The following CASP5 variants were observed in gnomAD, a reference collection of about 807,000 sequenced individuals.
CASP5 encodes caspase-5.
CASP5 carries 42 observed loss-of-function variants against 45.2 expected under a neutral mutation model. The observed-to-expected ratio is 0.93, with a 90% CI of 0.73 to 1.20. The LOEUF is 1.20. Ranked by LOEUF, CASP5 falls within the 50% of genes most tolerant of loss-of-function variation. The pLI is 0.00. For synonymous variants in CASP5, 209 were observed against 186.2 expected (o/e 1.12, Z -1.00); for missense variants, 512 against 532.2 (o/e 0.96, Z 0.37).
intron 1 of CASP5, among the ~76,000 whole-genome samples, chr11:105,012,612 T>C (rs924444923): frequency 6.6e-6 from 1 of 151,614 alleles, no homozygotes; most frequent in African/African-American, 2.4e-5. Flanking sequence ...AGGACCAAAA[T>C]AGACATTTTT....
chr11:105,008,375 G>A (rs781750458), intron 2 of CASP5, among the ~76,000 whole-genome samples: 1 of 152,028 alleles, frequency 6.6e-6, no homozygotes, highest in Non-Finnish European at 1.5e-5. Flanking sequence ...TTATTGGCAT[G>A]TTGATGCCAG....
chr11:105,005,350 ATATATATGTGTGTG>A (rs1425837954), intron 3 of CASP5, among the ~76,000 whole-genome samples: 4 of 120,526 alleles, frequency 3.3e-5, no homozygotes, highest in African/African-American at 1.7e-4. Context: ...TAGTGTGTAT[ATATATATGTGTGTG>A]TGTGTGTGTG....
intron 1 of CASP5, among the ~76,000 whole-genome samples, chr11:105,022,071 A>G (rs1481566473): frequency 6.6e-6 from 1 of 150,380 alleles, no homozygotes; most frequent in Non-Finnish European, 1.5e-5. Flanking sequence ...CAAAAAACCA[A>G]ACACCGCATA....
At position 104,998,989 on chromosome 11, in the gene CASP5, G is replaced by A. The variant is rs1861599686; in HGVS notation, c.992C>T (p.Ser331Phe). 6.2e-7 allele frequency: 1 copy of A among 1,613,428 alleles called. No individual in the cohort carries two copies. Among genetic ancestry groups the A allele is most frequent in the Non-Finnish European group, 8.5e-7 (1 of 1,179,650 alleles). The change falls in exon 7 of 10, where the codon TCC (serine) becomes TTC (phenylalanine). Residue 331 changes from serine to phenylalanine, a missense_variant. Transcript: ENST00000260315. Reference sequence around the variant, plus strand: ...TGACTGTGAAGAGATGAGTGCCAAGGATGCTGGAGAGTCTCTGACCCAGAG... The same window carrying A: ...TGACTGTGAAGAGATGAGTGCCAAGAATGCTGGAGAGTCTCTGACCCAGAG... ...GELWVRDSPASLALISSQSSE... is the reference protein window; with the variant it reads ...GELWVRDSPAFLALISSQSSE...
chr11:105,019,969 G>A (rs1237003797), intron 1 of CASP5, among the ~76,000 whole-genome samples: 2 of 145,294 alleles, frequency 1.4e-5, no homozygotes, highest in Non-Finnish European at 3.0e-5. Context: ...TGATCAAGGG[G>A]GCTTCATCCC....
chr11:104,997,310 T>C, intron 8 of CASP5, 73 bp downstream of exon 8: 1 of 1,088,184 alleles, frequency 9.2e-7, no homozygotes, highest in Non-Finnish European at 1.4e-6. Context: ...GTCATTTTTA[T>C]TCGATTAGTG....
At chr11:104,995,445 A>G (rs1231279224) in intron 9 of CASP5, among the ~76,000 whole-genome samples, 1 of 152,168 alleles carries the variant, frequency 6.6e-6, no homozygotes, top group African/African-American at 2.4e-5. Flanking sequence ...AGATAAATGA[A>G]CATAATTAAT....
intron 1 of CASP5, among the ~76,000 whole-genome samples, chr11:105,018,273 A>T (rs1458110034): frequency 2.6e-5 from 4 of 151,358 alleles, no homozygotes; most frequent in African/African-American, 9.7e-5. Context: ...ACCAGCTAAC[A>T]TCATAATGAC....
At chr11:105,009,245 T>A (rs190966493) in intron 1 of CASP5, among the ~76,000 whole-genome samples, 20 of 152,086 alleles carry the variant, frequency 1.3e-4, no homozygotes, top group Admixed American at 1.0e-3. Context: ...GGCCTAATGC[T>A]AAATTCCTGG....
chr11:105,003,398 A>G lies in CASP5; in HGVS notation c.434-15T>C. 1 of 1,444,432 alleles carries G rather than the reference A, an allele frequency of 6.9e-7. No individual in the cohort carries two copies. Among genetic ancestry groups the G allele is most frequent in the Non-Finnish European group, 9.6e-7 (1 of 1,046,026 alleles). The allele number at this position is 1,444,432 out of a possible 1,614,324, so 89.5% of individuals were successfully genotyped here. A position where few individuals can be genotyped will look rare whatever the true frequency, so the allele number is the denominator to read the frequency against. On this transcript the variant is annotated splice_polypyrimidine_tract_variant and intron_variant, in intron 3 of 9. Coordinates refer to ENST00000260315, the MANE Select transcript of CASP5 (RefSeq NM_004347.5). ...TTGCAGAAGAGCTGTGGGATATCAC[A>G]AAATATAAATTATGGTTTCTGCCTC... is the stretch of plus-strand genomic sequence containing the variant.
At position 105,010,268 on chromosome 11, in the gene CASP5, T is replaced by C. The variant is rs181601934; in HGVS notation, c.8-1288A>G. Reference sequence around the variant, plus strand: ...GACAAAAAGTTACATTTAATAAATGTAACATCTCCTATGTATTTTTTGTGA... The same window carrying C: ...GACAAAAAGTTACATTTAATAAATGCAACATCTCCTATGTATTTTTTGTGA... On this transcript the variant is annotated intron_variant, in intron 1 of 9. Coordinates refer to ENST00000260315, the MANE Select transcript of CASP5 (RefSeq NM_004347.5). Among the ~76,000 whole-genome samples, 880 of 151,140 alleles carry C rather than the reference T, an allele frequency of 5.8e-3. 8 individuals carry two copies. The highest frequency in any genetic ancestry group is 0.02 in the African/African-American group (826 of 41,400).
chr11:105,008,754 T>C (rs1591165853), intron 2 of CASP5, 53 bp downstream of exon 2: 2 of 1,315,802 alleles, frequency 1.5e-6, no homozygotes, highest in Non-Finnish European at 2.2e-6. Flanking sequence ...GGACTTATAA[T>C]TGAACAGATT....
In CASP5 at chr11:105,007,319, T is replaced by G; in HGVS notation, c.197A>C (p.Lys66Thr). 1.3e-6 allele frequency: 2 copies of G among 1,596,840 alleles called. No homozygotes were observed. The highest frequency in any genetic ancestry group is 1.1e-5 in the South Asian group (1 of 87,792). Residue 66 changes from lysine (K) to threonine (T), a missense_variant, in exon 3 of 10, where the codon AAA becomes ACA. By Grantham distance (78) the Lys-to-Thr change is moderately conservative. Coordinates refer to ENST00000260315, the MANE Select transcript of CASP5 (RefSeq NM_004347.5). ...STSVKKDNHK[K>T]KTVKMLEYLG... ...GTATTCCAACATCTTAACTGTTTTT[T>G]TTTTGTGGTTGTCTTCTGTCAGAAA...
At chr11:104,999,316 A>G (rs1046168517) in intron 6 of CASP5, among the ~76,000 whole-genome samples, 7 of 151,950 alleles carry the variant, frequency 4.6e-5, no homozygotes, top group Non-Finnish European at 1.0e-4. Flanking sequence ...TTGGTTTTCT[A>G]TTCCTGTGTT....
intron 1 of CASP5, among the ~76,000 whole-genome samples, chr11:105,019,396 C>G (rs961013727): frequency 4.7e-5 from 7 of 149,206 alleles, no homozygotes; most frequent in East Asian, 3.9e-4. Flanking sequence ...CAACAAAATT[C>G]ATAGACCGCT....
chr11:105,009,928 TACACAC>T (rs111284189), intron 1 of CASP5, among the ~76,000 whole-genome samples: 1,453 of 136,378 alleles, frequency 0.011, 26 homozygotes, highest in African/African-American at 0.038. Context: ...TATACACACA[TACACAC>T]ACACACACAC....
intron 7 of CASP5, among the ~76,000 whole-genome samples, chr11:104,998,533 A>G (rs3181330): frequency 0.11 from 16,331 of 152,224 alleles, 947 homozygotes; most frequent in South Asian, 0.12. Context: ...ACTGGGATCC[A>G]TAAAACTTCT....
intron 2 of CASP5, 129 bp from the exon 3 acceptor site, chr11:105,007,463 T>C (rs1262902957): frequency 1.1e-6 from 1 of 884,296 alleles, no homozygotes; most frequent in African/African-American, 1.7e-5. Flanking sequence ...CTCCAGCGAA[T>C]AACACACATC....
chr11:105,020,006 G>A lies in CASP5; in HGVS notation c.7+3124C>T, dbSNP rs1360892692. 1.6e-4 allele frequency among the ~76,000 whole-genome samples: 24 copies of A among 145,522 alleles called. 1 individual carries two copies. Among genetic ancestry groups the A allele is most frequent in the Middle Eastern group, 3.5e-3 (1 of 288 alleles). On this transcript the variant is annotated intron_variant, in intron 1 of 9. Transcript: ENST00000260315. Reference sequence around the variant, plus strand: ...GGGATGCAAGGCTGGTTCAATATACGCAAATCAATAAATATAATCCAGCAT... The same window carrying A: ...GGGATGCAAGGCTGGTTCAATATACACAAATCAATAAATATAATCCAGCAT...
Sources: allele counts gnomAD v4.1 joint callset (sites outside exome capture counted in the v4.1 genomes callset), GRCh38; gene constraint gnomAD v4.1.1; transcripts MANE v1.5; gene names NCBI Gene and HGNC (gene_info 2026-07-23, HGNC 2026-07-21).